Variants in DYSF observed in about 807,000 individuals in gnomAD.
The protein encoded by DYSF is dysferlin.
DYSF carries 212 observed loss-of-function variants against 274.9 expected under a neutral mutation model. The observed-to-expected ratio is 0.77, with a 90% CI of 0.69 to 0.86. The LOEUF (loss-of-function observed/expected upper bound fraction) is 0.86, where lower values mean the gene tolerates loss of function less well. Ranked by LOEUF, DYSF falls within the 40% of genes least tolerant of loss-of-function variation. The pLI is 0.00. For synonymous variants in DYSF, 1,091 were observed against 1,078.7 expected, an observed-to-expected ratio of 1.01 and a Z score of -0.22; for missense variants, 2,666 against 2,783.2, an observed-to-expected ratio of 0.96 and a Z score of 0.95.
chr2:71,530,233 C>T (rs1573774958), intron 14 of DYSF, among the ~76,000 whole-genome samples: 1 of 152,216 alleles, frequency 6.6e-6, no homozygotes, highest in Non-Finnish European at 1.5e-5. Flanking sequence ...GACACTAGCT[C>T]CAAGGACTAG....
intron 1 of DYSF, among the ~76,000 whole-genome samples, chr2:71,456,240 C>T (rs1462436526): frequency 1.3e-5 from 2 of 152,158 alleles, no homozygotes; most frequent in Non-Finnish European, 1.5e-5. Flanking sequence ...CGTCATGAGC[C>T]CCTGAGCCTA....
chr2:71,574,153 C>G (rs200388449), intron 29 of DYSF, 45 bp from the exon 30 acceptor site: 1 of 1,605,982 alleles, frequency 6.2e-7, no homozygotes, highest in African/African-American at 1.3e-5. Flanking sequence ...AGAACTCCCC[C>G]CAGCCTTCCC....
In DYSF at chr2:71,561,927, C is replaced by T. The variant is rs377196032; in HGVS notation, c.2392C>T (p.Arg798Cys). The T allele has an allele frequency of 3.8e-5, 62 of 1,613,832 alleles. No individual in the cohort carries two copies. Among genetic ancestry groups the T allele is most frequent in the East Asian group, 6.7e-5 (3 of 44,876 alleles). The change falls in exon 23 of 56, where the codon CGT becomes TGT. Residue 798 changes from arginine (R) to cysteine (C), a missense_variant. Coordinates refer to ENST00000410020, the MANE Select transcript of DYSF (RefSeq NM_001130987.2). ...EQAEDWLLRL[R>C]ALAEEPQNSL... The stretch of plus-strand genomic sequence containing the variant: ...GGCGGAGGACTGGCTCCTGCGTCTG[C>T]GTGCCCTGGCAGAGGAGGTAATTAA...
In DYSF at chr2:71,620,614, G is replaced by T; in HGVS notation, c.4527+5G>T. On this transcript the variant is annotated splice_donor_5th_base_variant and intron_variant, in intron 41 of 55. Coordinates refer to ENST00000410020, the MANE Select transcript of DYSF (RefSeq NM_001130987.2). ...TCTCCTCCATCCAGTCCTCATGTAT[G>T]TACTGTTTACTTATTTGTGGGCTCC... 6.6e-7 allele frequency: 1 copy of T among 1,506,512 alleles called. No individual in the cohort carries two copies. The allele number at this position is 1,506,512 out of a possible 1,614,324, so 93.3% of individuals were successfully genotyped here. A position where few individuals can be genotyped will look rare whatever the true frequency, so the allele number is the denominator to read the frequency against.
chr2:71,527,282 G>C (rs938712324), intron 13 of DYSF, among the ~76,000 whole-genome samples: 120 of 152,328 alleles, frequency 7.9e-4, no homozygotes, highest in African/African-American at 2.7e-3. Context: ...CAGAGTCAGT[G>C]AGAAGGTTTG....
At chr2:71,593,688 G>A (rs1352067757) in intron 32 of DYSF, among the ~76,000 whole-genome samples, 2 of 152,196 alleles carry the variant, frequency 1.3e-5, no homozygotes, top group Admixed American at 6.5e-5. Flanking sequence ...GGAAGAAGGT[G>A]TCAATTTGGC....
intron 3 of DYSF, among the ~76,000 whole-genome samples, chr2:71,486,737 C>G (rs775773218): frequency 3.3e-5 from 5 of 152,194 alleles, no homozygotes; most frequent in Non-Finnish European, 7.3e-5. Flanking sequence ...TCGACTTTAT[C>G]TGGCTAAAAT....
intron 41 of DYSF, among the ~76,000 whole-genome samples, chr2:71,621,312 G>T (rs11897670): frequency 0.71 from 108,245 of 151,718 alleles, 40,762 homozygotes; most frequent in East Asian, 0.87. Flanking sequence ...GTGTCAAGAG[G>T]AGGCACTGTT....
intron 13 of DYSF, 69 bp downstream of exon 13, chr2:71,526,415 C>CTG: frequency 2.4e-6 from 1 of 411,240 alleles, no homozygotes; most frequent in Admixed American, 3.8e-5. Flanking sequence ...TGGGGGTGGG[C>CTG]GATGGCGGGC....
At chr2:71,593,291 C>T (rs1265881701) in intron 32 of DYSF, among the ~76,000 whole-genome samples, 10 of 152,008 alleles carry the variant, frequency 6.6e-5, no homozygotes, top group Non-Finnish European at 4.4e-5. Flanking sequence ...CACCACCATG[C>T]CCAGCTAATT....
chr2:71,474,811 C>G (rs1164196465), intron 1 of DYSF, among the ~76,000 whole-genome samples: 1 of 152,176 alleles, frequency 6.6e-6, no homozygotes, highest in Non-Finnish European at 1.5e-5. Context: ...GCTTGGCACA[C>G]AGATATCGCT....
intron 32 of DYSF, among the ~76,000 whole-genome samples, chr2:71,594,394 C>T (rs1164185315): frequency 6.6e-6 from 1 of 152,156 alleles, no homozygotes; most frequent in African/African-American, 2.4e-5. Context: ...GACTGGGAAA[C>T]ACTGCACGCT....
intron 1 of DYSF, among the ~76,000 whole-genome samples, chr2:71,470,837 G>A (rs2081982891): frequency 7.0e-6 from 1 of 141,992 alleles, no homozygotes; most frequent in African/African-American, 2.6e-5. Context: ...TATTACCCAG[G>A]CTGGAGTGCA....
chr2:71,669,363 C>T (rs886407226), intron 50 of DYSF, among the ~76,000 whole-genome samples, 156 bp downstream of exon 50: 5 of 152,158 alleles, frequency 3.3e-5, no homozygotes, highest in African/African-American at 9.7e-5. Flanking sequence ...TTGGGGAAAT[C>T]GCTCTCCCAC....
chr2:71,528,769 A>G (rs1025525137), intron 14 of DYSF, among the ~76,000 whole-genome samples: 1 of 152,240 alleles, frequency 6.6e-6, no homozygotes, highest in African/African-American at 2.4e-5. Context: ...GGAGAAAAAC[A>G]TAATGGTTAT....
chr2:71,678,035 T>G (rs2095248484), intron 52 of DYSF, among the ~76,000 whole-genome samples: 1 of 152,250 alleles, frequency 6.6e-6, no homozygotes, highest in African/African-American at 2.4e-5. Flanking sequence ...GTTTCAGATT[T>G]CTGATGCTTT....
At position 71,472,492 on chromosome 2, in the gene DYSF, T is replaced by C. The variant is rs750737875; in HGVS notation, c.91+5559T>C. ...CGCGATCTCGGCTCACTGCAAGCTC[T>C]GCCTCCCGGGTTCACGCCATTCTCC... On this transcript the variant is annotated intron_variant, in intron 1 of 55. Coordinates refer to ENST00000410020, the MANE Select transcript of DYSF (RefSeq NM_001130987.2). Among the ~76,000 whole-genome samples the C allele has an allele frequency of 4.6e-5, 7 of 152,158 alleles. No homozygotes were observed. The East Asian group carries it at 5.8e-4, about 13-fold the overall frequency.
chr2:71,681,035 A>AGAGTGAGC lies in DYSF; in HGVS notation c.6099_6106dup (p.His2036ArgfsTer18), dbSNP rs886042318. 1.2e-6 allele frequency: 2 copies of AGAGTGAGC among 1,614,066 alleles called. No individual in the cohort carries two copies. Among genetic ancestry groups the AGAGTGAGC allele is most frequent in the African/African-American group, 2.7e-5 (2 of 74,940 alleles). ...GAAATGACCTTGGAGATTGTAGCAG[A>AGAGTGAGC]GAGTGAGCATGAGGAGCGGCCTGCT... On this transcript the variant is annotated frameshift_variant, in exon 54 of 56. Transcript: ENST00000410020. LOFTEE classifies it high-confidence loss of function.
intron 1 of DYSF, among the ~76,000 whole-genome samples, chr2:71,477,339 C>T (rs1452001946): frequency 6.6e-6 from 1 of 151,994 alleles, no homozygotes; most frequent in Admixed American, 6.6e-5. Context: ...GGTAATGAAG[C>T]TACAGGTCTC....
Sources: gnomAD v4.1 joint callset for allele counts (sites outside exome capture counted in the v4.1 genomes callset) on GRCh38, gnomAD v4.1.1 for gene constraint, MANE v1.5 for transcripts, NCBI Gene and HGNC (gene_info 2026-07-23, HGNC 2026-07-21) for gene names.